The following ZC3H14 variants were observed in gnomAD, a reference collection of about 807,000 sequenced individuals.
The protein encoded by ZC3H14 is zinc finger CCCH domain-containing protein 14.
A neutral mutation model predicts 92.4 loss-of-function variants in ZC3H14; 31 were observed. That is an observed-to-expected ratio of 0.34 (90% CI 0.25 to 0.45). The LOEUF (loss-of-function observed/expected upper bound fraction) is 0.45. ZC3H14 is among the 20% of genes least tolerant of loss of function. The pLI is 1.00. For synonymous variants in ZC3H14, 321 were observed against 300.9 expected, an observed-to-expected ratio of 1.07 and a Z score of -0.69; for missense variants, 781 against 897.3, an observed-to-expected ratio of 0.87 and a Z score of 1.66.
rs1254428810 is a variant in ZC3H14, at chr14:88,610,850, C to G, written c.2114C>G (p.Thr705Ser). Residue 705 changes from threonine (T) to serine (S), a missense_variant, in exon 16 of 17, where the codon ACT becomes AGT. Physicochemically the swap from Thr to Ser is moderately conservative, Grantham distance 58. Transcript: ENST00000251038. ...FYHPKHCRFN[T>S]QCTRPDCTFY... is the part of the protein sequence containing the mutation. ...TCTATTCAGCATTGTAGGTTTAACA[C>G]TCAATGTACAAGACCGGACTGCACA... The G allele has an allele frequency of 6.2e-7, 1 of 1,614,052 alleles. No individual in the cohort carries two copies. The highest frequency in any genetic ancestry group is 8.5e-7 in the Non-Finnish European group (1 of 1,179,920).
intron 2 of ZC3H14, among the ~76,000 whole-genome samples, chr14:88,567,595 G>C (rs1447298178): frequency 6.6e-6 from 1 of 152,068 alleles, no homozygotes; most frequent in Non-Finnish European, 1.5e-5. Flanking sequence ...GTTTGTTACT[G>C]TGAGTAATTG....
intron 4 of ZC3H14, among the ~76,000 whole-genome samples, chr14:88,571,444 T>C (rs980720373): frequency 1.4e-4 from 22 of 152,194 alleles, no homozygotes; most frequent in African/African-American, 5.3e-4. Context: ...ACGAAATTGT[T>C]GTATTACCAT....
At chr14:88,586,027 G>A (rs772201902) in intron 9 of ZC3H14, among the ~76,000 whole-genome samples, 4 of 152,138 alleles carry the variant, frequency 2.6e-5, no homozygotes, top group African/African-American at 7.2e-5. Context: ...AATTAGCCAG[G>A]CATGGTGGCA....
intron 4 of ZC3H14, among the ~76,000 whole-genome samples, chr14:88,571,701 C>G (rs1304541668): frequency 6.6e-6 from 1 of 152,146 alleles, no homozygotes; most frequent in Non-Finnish European, 1.5e-5. Flanking sequence ...GTGGCTCACG[C>G]CTGTAATCCC....
intron 9 of ZC3H14, among the ~76,000 whole-genome samples, chr14:88,585,758 T>C (rs541843454): frequency 2.0e-5 from 3 of 152,340 alleles, no homozygotes; most frequent in Non-Finnish European, 4.4e-5. Context: ...ATTCTAAAAG[T>C]TAATATCCTG....
In ZC3H14 at chr14:88,626,488, T is replaced by C. The variant is rs2089961852; in HGVS notation, c.*14737T>C. ...TGAAAGAAAAATTAGCCTAGCATGG[T>C]GGTTCCTGCCCTGTAGTCCCAGCTA... is the stretch of plus-strand genomic sequence containing the variant. On this transcript the variant is annotated 3_prime_UTR_variant, in exon 17 of 17. Transcript: ENST00000251038. The C allele has an allele frequency of 1.9e-5, 4 of 205,712 alleles. No individual in the cohort carries two copies. The Admixed American group carries it at 2.1e-4, about 11-fold the overall frequency. 12.7% of individuals were successfully genotyped at this position (205,712 alleles called of 1,614,324 possible).
chr14:88,571,016 A>T, intron 3 of ZC3H14, 68 bp from the exon 4 acceptor site: 1 of 1,265,500 alleles, frequency 7.9e-7, no homozygotes, highest in Non-Finnish European at 1.1e-6. Flanking sequence ...TCATAAATTT[A>T]GAGTGACAGT....
Position 88,626,901 on chromosome 14 carries a change from T to G in ZC3H14, c.*15150T>G. The G allele has an allele frequency of 6.2e-7, 1 of 1,613,940 alleles. No individual in the cohort carries two copies. Among genetic ancestry groups the G allele is most frequent in the Non-Finnish European group, 8.5e-7 (1 of 1,179,852 alleles). ...CATCTTCCAGTGTGCTCAGTAGCCCTTTTTTGCTAAGAAGAGCTCTTCCTG... is the reference window on the plus strand; with the variant it reads ...CATCTTCCAGTGTGCTCAGTAGCCCGTTTTTGCTAAGAAGAGCTCTTCCTG... On this transcript the variant is annotated 3_prime_UTR_variant, in exon 17 of 17. Transcript: ENST00000251038.
Position 88,572,727 on chromosome 14 carries a change from T to C in ZC3H14, c.581T>C (p.Leu194Ser), listed in dbSNP as rs1412623720. The part of the protein sequence containing the change: ...EDLNFVQENP[L>S]SQKKPTVTLT... The stretch of plus-strand genomic sequence containing the variant: ...CTCAACTTTGTGCAGGAGAATCCCT[T>C]ATCTCAGAAAAAACCTACAGTGACA... Residue 194 changes from leucine to serine, a missense_variant, in exon 6 of 17, where the codon TTA becomes TCA. By Grantham distance (145) the Leu-to-Ser change is moderately radical (BLOSUM62 -2). Coordinates refer to ENST00000251038, the MANE Select transcript of ZC3H14 (RefSeq NM_024824.5). 6.2e-7 allele frequency: 1 copy of C among 1,614,212 alleles called. No individual in the cohort carries two copies. Among genetic ancestry groups the C allele is most frequent in the African/African-American group, 1.3e-5 (1 of 75,066 alleles).
chr14:88,563,541 G>T (rs1342844881), intron 1 of ZC3H14, 110 bp from the exon 2 acceptor site: 2 of 1,581,980 alleles, frequency 1.3e-6, no homozygotes, highest in Non-Finnish European at 1.7e-6. Flanking sequence ...GCCCCCGCCC[G>T]GGGGATCCGA....
In ZC3H14 at chr14:88,622,681, C is replaced by T; in HGVS notation, c.*10930C>T. 6.2e-7 allele frequency: 1 copy of T among 1,610,190 alleles called. No individual in the cohort carries two copies. Among genetic ancestry groups the T allele is most frequent in the Non-Finnish European group, 8.5e-7 (1 of 1,178,078 alleles). ...CTGAAGGCACGGCACCGCCTCAGTT[C>T]CTGATCCCACAGTTTAACCGCTCCT... On this transcript the variant is annotated 3_prime_UTR_variant, in exon 17 of 17. Transcript: ENST00000251038.
chr14:88,588,133 G>T (rs2082677548), intron 9 of ZC3H14, among the ~76,000 whole-genome samples: 1 of 150,998 alleles, frequency 6.6e-6, no homozygotes, highest in African/African-American at 2.4e-5. Context: ...TCTGTGCTTT[G>T]AAATCTTTGG....
intron 13 of ZC3H14, chr14:88,608,912 G>A (rs1335827143): frequency 7.1e-6 from 2 of 280,202 alleles, no homozygotes; most frequent in Non-Finnish European, 1.4e-5. Context: ...AGTATGGGAT[G>A]AGTCTTTTTG....
rs964936511 is a variant in ZC3H14 at position 88,623,138 on chromosome 14, C to T, written c.*11387C>T. ...TCAAGCGATTCTCCTACCTCAGCCT[C>T]CCGAGTAGCTAGCATTACAGGTGTG... is the stretch of plus-strand genomic sequence containing the variant. On this transcript the variant is annotated 3_prime_UTR_variant, in exon 17 of 17. Transcript: ENST00000251038. The T allele has an allele frequency of 6.6e-6, 1 of 152,436 alleles. No homozygotes were observed. Among genetic ancestry groups the T allele is most frequent in the Non-Finnish European group, 1.5e-5 (1 of 68,644 alleles). 9.4% of individuals were successfully genotyped at this position (152,436 alleles called of 1,614,324 possible).
At position 88,622,866 on chromosome 14, in the gene ZC3H14, T is replaced by C; in HGVS notation, c.*11115T>C. On this transcript the variant is annotated 3_prime_UTR_variant, in exon 17 of 17. Transcript: ENST00000251038. ...ACCTCTAATATTCTTGTAAACTTTC[T>C]ATGGCAATTTGAGGATATACTATAT... The C allele has an allele frequency of 3.9e-6, 2 of 510,396 alleles. No individual in the cohort carries two copies. Among genetic ancestry groups the C allele is most frequent in the East Asian group, 3.2e-5 (1 of 30,812 alleles). 31.6% of individuals were successfully genotyped at this position (510,396 alleles called of 1,614,324 possible). A position where few individuals can be genotyped will look rare whatever the true frequency, so the allele number is the denominator to read the frequency against.
intron 12 of ZC3H14, among the ~76,000 whole-genome samples, chr14:88,606,409 G>C (rs1281983020): frequency 6.6e-6 from 1 of 152,170 alleles, no homozygotes; most frequent in Non-Finnish European, 1.5e-5. Context: ...GCTGTTAGGG[G>C]AACTGCCCAG....
chr14:88,572,467 A>G, intron 5 of ZC3H14, 111 bp from the exon 6 acceptor site: 14 of 1,362,712 alleles, frequency 1.0e-5, no homozygotes, highest in Non-Finnish European at 1.4e-5. Context: ...GAATATGTAA[A>G]GGGAGTATCC....
chr14:88,569,905 A>G (rs1380444015), intron 3 of ZC3H14, among the ~76,000 whole-genome samples: 2 of 152,064 alleles, frequency 1.3e-5, no homozygotes, highest in Non-Finnish European at 2.9e-5. Context: ...GGGTGACCCA[A>G]CCCATTTGTT....
intron 9 of ZC3H14, among the ~76,000 whole-genome samples, chr14:88,583,038 G>A (rs1030228752): frequency 2.8e-5 from 4 of 144,242 alleles, no homozygotes; most frequent in African/African-American, 1.0e-4. Flanking sequence ...TTATTTTGCC[G>A]ATCTTTTCAA....
Sources: allele counts gnomAD v4.1 joint callset (sites outside exome capture counted in the v4.1 genomes callset), GRCh38; gene constraint gnomAD v4.1.1; transcripts MANE v1.5; gene names NCBI Gene and HGNC (gene_info 2026-07-23, HGNC 2026-07-21).